The following COBL variants were observed in gnomAD, a reference collection of about 807,000 sequenced individuals.
The protein encoded by COBL is cordon-bleu WH2 repeat protein.
A neutral mutation model predicts 98.8 loss-of-function variants in COBL; 51 were observed. The ratio of observed to expected loss-of-function variants is 0.52; its 90% CI spans 0.41 to 0.65. The LOEUF is 0.65. Ranked by LOEUF, COBL falls within the 30% of genes least tolerant of loss-of-function variation. COBL has a pLI of 0.00. For missense variants in COBL, 1,617 were observed against 1,617.5 expected (o/e 1.00, Z 0.01); for synonymous variants, 634 against 651.7 (o/e 0.97, Z 0.41).
At chr7:51,310,030 C>G (rs1037065406) in intron 1 of COBL, among the ~76,000 whole-genome samples, 2 of 152,236 alleles carry the variant, frequency 1.3e-5, no homozygotes, top group African/African-American at 4.8e-5. Context: ...CAGGTGAGGC[C>G]TGGGAAGCTG....
intron 5 of COBL, among the ~76,000 whole-genome samples, chr7:51,150,578 T>A (rs1012861007): frequency 2.6e-5 from 4 of 152,328 alleles, no homozygotes; most frequent in Middle Eastern, 3.4e-3. Context: ...CTGGAGAAAC[T>A]ATGGGAGTCA....
intron 6 of COBL, among the ~76,000 whole-genome samples, chr7:51,089,384 G>T (rs898794177): frequency 6.6e-6 from 1 of 151,874 alleles, no homozygotes; most frequent in Non-Finnish European, 1.5e-5. Flanking sequence ...GCGTGGTGGC[G>T]GGCACCTATA....
chr7:51,267,816 CGCCTGCCTCA>C (rs1798363250), intron 1 of COBL, among the ~76,000 whole-genome samples: 1 of 152,060 alleles, frequency 6.6e-6, no homozygotes, highest in Admixed American at 6.5e-5. Flanking sequence ...ACAAGTGATC[CGCCTGCCTCA>C]GCCTCCCAAA....
At chr7:51,300,645 G>C (rs1377847552) in intron 1 of COBL, among the ~76,000 whole-genome samples, 1 of 152,146 alleles carries the variant, frequency 6.6e-6, no homozygotes, top group African/African-American at 2.4e-5. Flanking sequence ...ACGCGGTCTG[G>C]GGCTCATTGT....
chr7:51,171,887 AAG>A (rs1408632645), intron 5 of COBL, among the ~76,000 whole-genome samples: 5 of 152,230 alleles, frequency 3.3e-5, no homozygotes, highest in African/African-American at 4.8e-5. Flanking sequence ...ACTGATACAG[AAG>A]AGTCTTTCCA....
chr7:51,139,705 C>T (rs1461280272), intron 5 of COBL, among the ~76,000 whole-genome samples: 1 of 152,168 alleles, frequency 6.6e-6, no homozygotes, highest in Non-Finnish European at 1.5e-5. Flanking sequence ...ATCTTCTTTC[C>T]CTACTTTTGG....
At chr7:51,210,449 C>T (rs1792305875) in intron 2 of COBL, among the ~76,000 whole-genome samples, 1 of 152,188 alleles carries the variant, frequency 6.6e-6, no homozygotes, top group Non-Finnish European at 1.5e-5. Context: ...AACCCGCACC[C>T]AGGACAGCGG....
At chr7:51,048,259 C>T (rs532361343) in intron 7 of COBL, among the ~76,000 whole-genome samples, 23 of 152,078 alleles carry the variant, frequency 1.5e-4, no homozygotes, top group Non-Finnish European at 2.4e-4. Context: ...TTTTCATTGA[C>T]GTCTGAAAAT....
chr7:51,209,046 T>TAA (rs572689062), intron 2 of COBL, among the ~76,000 whole-genome samples: 1,061 of 43,318 alleles, frequency 0.024, 56 homozygotes, highest in African/African-American at 0.056. Context: ...AATGATCAAT[T>TAA]AAAAAAAAAA....
At chr7:51,176,210 T>G (rs1273617107) in intron 5 of COBL, among the ~76,000 whole-genome samples, 1 of 152,196 alleles carries the variant, frequency 6.6e-6, no homozygotes, top group African/African-American at 2.4e-5. Context: ...CTTGGTTAAG[T>G]CGTGTTAGTT....
intron 2 of COBL, among the ~76,000 whole-genome samples, chr7:51,206,950 G>A (rs1010850105): frequency 2.0e-5 from 3 of 152,214 alleles, no homozygotes; most frequent in African/African-American, 7.2e-5. Flanking sequence ...TGTCCACCAT[G>A]AGGACTGCAG....
chr7:51,061,968 C>CAT (rs1403477154), intron 7 of COBL, among the ~76,000 whole-genome samples: 7,100 of 146,032 alleles, frequency 0.049, 609 homozygotes, highest in African/African-American at 0.18. Flanking sequence ...CACACACACA[C>CAT]ACACACACAC....
chr7:51,108,442 C>T (rs1796517482), intron 6 of COBL, among the ~76,000 whole-genome samples: 2 of 152,156 alleles, frequency 1.3e-5, no homozygotes, highest in South Asian at 4.1e-4. Flanking sequence ...TGAATACTCA[C>T]GTGCATGGCT....
intron 5 of COBL, among the ~76,000 whole-genome samples, chr7:51,161,824 T>C (rs1171261455): frequency 1.3e-5 from 2 of 151,264 alleles, no homozygotes; most frequent in Non-Finnish European, 2.9e-5. Flanking sequence ...TTTCAAAAGT[T>C]CATTCTTCAG....
intron 6 of COBL, among the ~76,000 whole-genome samples, chr7:51,115,210 T>A (rs547733449): frequency 2.0e-5 from 3 of 152,216 alleles, no homozygotes; most frequent in Non-Finnish European, 4.4e-5. Context: ...ATCATATGGT[T>A]GATCATGTGA....
At chr7:51,303,897 C>T (rs557440063) in intron 1 of COBL, among the ~76,000 whole-genome samples, 1 of 152,320 alleles carries the variant, frequency 6.6e-6, no homozygotes, top group South Asian at 2.1e-4. Context: ...GAGCCGCCGA[C>T]AGAACATATG....
chr7:51,250,554 G>A (rs1796638636), intron 1 of COBL, among the ~76,000 whole-genome samples: 1 of 152,166 alleles, frequency 6.6e-6, no homozygotes, highest in African/African-American at 2.4e-5. Context: ...TAAAAATACA[G>A]AGGCATTTAC....
chr7:51,084,586 T>C (rs553267811), intron 7 of COBL, among the ~76,000 whole-genome samples: 15 of 152,310 alleles, frequency 9.8e-5, no homozygotes, highest in Admixed American at 2.6e-4. Flanking sequence ...GGGTGGGCTA[T>C]GATGATCTAA....
intron 6 of COBL, among the ~76,000 whole-genome samples, chr7:51,127,922 G>A (rs1217245408): frequency 1.3e-5 from 2 of 152,172 alleles, no homozygotes; most frequent in African/African-American, 4.8e-5. Flanking sequence ...AGGAAACAGA[G>A]TGCTCCCACG....
Sources: gnomAD v4.1 joint callset for allele counts (sites outside exome capture counted in the v4.1 genomes callset) on GRCh38, gnomAD v4.1.1 for gene constraint, MANE v1.5 for transcripts, NCBI Gene and HGNC (gene_info 2026-07-23, HGNC 2026-07-21) for gene names.